The following CNTLN variants were observed in gnomAD, a reference collection of about 807,000 sequenced individuals.
CNTLN encodes centlein, centrosomal protein.
CNTLN carries 212 observed loss-of-function variants against 180.0 expected under a neutral mutation model. The observed-to-expected ratio is 1.18, with a 90% CI of 1.05 to 1.32. The LOEUF is 1.32. CNTLN is among the 40% of genes most tolerant of loss of function. The pLI is 0.00. For synonymous variants in CNTLN, 722 were observed against 563.1 expected (o/e 1.28, Z -3.99); for missense variants, 2,095 against 1,610.9 (o/e 1.30, Z -5.14).
At chr9:17,192,285 C>T (rs1354284820) in intron 2 of CNTLN, among the ~76,000 whole-genome samples, 1 of 141,804 alleles carries the variant, frequency 7.1e-6, no homozygotes. Context: ...GTCACCCAGG[C>T]CAGAGTTCAG....
intron 2 of CNTLN, among the ~76,000 whole-genome samples, chr9:17,222,335 T>C (rs1489265919): frequency 2.0e-5 from 3 of 152,070 alleles, no homozygotes; most frequent in Admixed American, 1.3e-4. Context: ...TTAATTGATA[T>C]GGTTAGGCTC....
At chr9:17,397,538 T>A (rs1342935217) in intron 15 of CNTLN, among the ~76,000 whole-genome samples, 1 of 152,120 alleles carries the variant, frequency 6.6e-6, no homozygotes, top group Non-Finnish European at 1.5e-5. Context: ...CTTCTTGGTT[T>A]TGATGGGTTT....
chr9:17,177,810 A>G (rs1361754512), intron 2 of CNTLN, among the ~76,000 whole-genome samples: 1 of 152,132 alleles, frequency 6.6e-6, no homozygotes, highest in African/African-American at 2.4e-5. Context: ...GATTTATTGC[A>G]AAGAGCGAAA....
At position 17,416,106 on chromosome 9, in the gene CNTLN, G is replaced by A; in HGVS notation, c.3031G>A (p.Glu1011Lys). 6.2e-7 allele frequency: 1 copy of A among 1,613,510 alleles called. No individual in the cohort carries two copies. The highest frequency in any genetic ancestry group is 1.1e-5 in the South Asian group (1 of 91,040). ...AKKTAELSVK[E>K]YKEVNEKLLH... ...GAAAACAGCAGAATTGTCTGTTAAAGAATATAAAGAAGTTAATGAAAAGCT... is the reference window on the plus strand; with the variant it reads ...GAAAACAGCAGAATTGTCTGTTAAAAAATATAAAGAAGTTAATGAAAAGCT... The change falls in exon 18 of 26, where the codon GAA (glutamate) becomes AAA (lysine). Residue 1011 changes from glutamate (E) to lysine (K), a missense_variant. Physicochemically the swap from Glu to Lys is moderately conservative, Grantham distance 56. Coordinates refer to ENST00000380647, the MANE Select transcript of CNTLN (RefSeq NM_017738.4).
At chr9:17,269,476 G>A (rs1275784268) in intron 5 of CNTLN, among the ~76,000 whole-genome samples, 2 of 151,744 alleles carry the variant, frequency 1.3e-5, no homozygotes. Context: ...ATTTTTATTT[G>A]TCTCAAGGTA....
intron 2 of CNTLN, among the ~76,000 whole-genome samples, chr9:17,201,132 G>A (rs866967546): frequency 2.6e-5 from 4 of 152,118 alleles, no homozygotes; most frequent in East Asian, 1.9e-4. Context: ...GATGGATTAC[G>A]TTTATTGATT....
Position 17,342,391 on chromosome 9 carries a change from G to C in CNTLN, c.1833G>C (p.Val611=). 6.2e-7 allele frequency: 1 copy of C among 1,611,750 alleles called. No homozygotes were observed. The highest frequency in any genetic ancestry group is 8.5e-7 in the Non-Finnish European group (1 of 1,179,068). Residue 611 remains valine, a synonymous_variant, in exon 12 of 26, where the codon GTG becomes GTC. Coordinates refer to ENST00000380647, the MANE Select transcript of CNTLN (RefSeq NM_017738.4). The part of the protein sequence containing the change: ...QQLRQEDSDA[V]WNELAYFKRE... ...TTCGACAAGAAGATTCTGACGCTGT[G>C]TGGAATGAACTGGCATATTTCAAAA...
At chr9:17,215,129 C>G (rs1007176918) in intron 2 of CNTLN, among the ~76,000 whole-genome samples, 6 of 152,196 alleles carry the variant, frequency 3.9e-5, no homozygotes, top group African/African-American at 1.2e-4. Flanking sequence ...GAGAGGAGCT[C>G]TGATTTTTAG....
intron 13 of CNTLN, among the ~76,000 whole-genome samples, chr9:17,370,812 ATTTTTATCAGTTTTGTTTTTGC>A (rs1824256952): frequency 6.6e-6 from 1 of 152,090 alleles, no homozygotes; most frequent in Admixed American, 6.6e-5. Flanking sequence ...AAGTTAAATA[ATTTTTATCAGTTTTGTTTTTGC>A]TTGTTTATGC....
chr9:17,386,969 G>A (rs1825729825), intron 13 of CNTLN, among the ~76,000 whole-genome samples: 1 of 152,156 alleles, frequency 6.6e-6, no homozygotes, highest in Non-Finnish European at 1.5e-5. Context: ...AAGAAACTTG[G>A]GAACTGATAG....
At chr9:17,339,896 G>A (rs7854919) in intron 10 of CNTLN, among the ~76,000 whole-genome samples, 2,452 of 152,236 alleles carry the variant, frequency 0.016, 71 homozygotes, top group African/African-American at 0.056. Context: ...GCTTATGCCT[G>A]TAATTCCAGC....
intron 2 of CNTLN, among the ~76,000 whole-genome samples, chr9:17,224,648 G>A (rs2132073343): frequency 6.6e-6 from 1 of 151,948 alleles, no homozygotes; most frequent in South Asian, 2.1e-4. Flanking sequence ...AGTCCATTTA[G>A]TTGTTTTTTA....
At chr9:17,499,090 C>G (rs1222597382) in intron 25 of CNTLN, among the ~76,000 whole-genome samples, 1 of 151,994 alleles carries the variant, frequency 6.6e-6, no homozygotes, top group South Asian at 2.1e-4. Flanking sequence ...ATTTTGCACT[C>G]AAAAAAATAT....
At chr9:17,146,585 C>G (rs1170460402) in intron 2 of CNTLN, among the ~76,000 whole-genome samples, 1 of 152,090 alleles carries the variant, frequency 6.6e-6, no homozygotes, top group Non-Finnish European at 1.5e-5. Context: ...CAGAAGGTGT[C>G]ATTTACATGG....
intron 23 of CNTLN, among the ~76,000 whole-genome samples, chr9:17,480,666 G>T (rs1396493911): frequency 1.3e-5 from 2 of 152,106 alleles, no homozygotes; most frequent in East Asian, 3.9e-4. Flanking sequence ...TTAGCTATCT[G>T]CCTCGAATAT....
chr9:17,238,942 T>C (rs1286800607), intron 5 of CNTLN, among the ~76,000 whole-genome samples: 1 of 152,136 alleles, frequency 6.6e-6, no homozygotes, highest in African/African-American at 2.4e-5. Flanking sequence ...ACTTTGAGGA[T>C]TTTGATTTTT....
At chr9:17,469,118 G>A (rs1831915388) in intron 23 of CNTLN, among the ~76,000 whole-genome samples, 1 of 151,590 alleles carries the variant, frequency 6.6e-6, no homozygotes, top group Non-Finnish European at 1.5e-5. Context: ...CAAATCTATT[G>A]AATCAAAATC....
intron 25 of CNTLN, among the ~76,000 whole-genome samples, chr9:17,490,230 A>G (rs964515422): frequency 1.3e-5 from 2 of 152,002 alleles, no homozygotes; most frequent in African/African-American, 4.8e-5. Context: ...GGGAGCAAAA[A>G]GGTTCTAGGT....
At chr9:17,260,554 A>G (rs1826884254) in intron 5 of CNTLN, among the ~76,000 whole-genome samples, 1 of 151,058 alleles carries the variant, frequency 6.6e-6, no homozygotes, top group Non-Finnish European at 1.5e-5. Flanking sequence ...TGGTTTCTGG[A>G]TGTTAAACCT....
Sources: allele counts gnomAD v4.1 joint callset (sites outside exome capture counted in the v4.1 genomes callset), GRCh38; gene constraint gnomAD v4.1.1; transcripts MANE v1.5; gene names NCBI Gene and HGNC (gene_info 2026-07-23, HGNC 2026-07-21).